KIRREL3: variants seen among roughly 807,000 people sequenced by gnomAD.
KIRREL3 encodes kirre like nephrin family adhesion molecule 3.
A neutral mutation model predicts 89.7 loss-of-function variants in KIRREL3; 36 were observed. The ratio of observed to expected loss-of-function variants is 0.40; its 90% confidence interval spans 0.31 to 0.53. The LOEUF (loss-of-function observed/expected upper bound fraction) is 0.53. Among genes scored for constraint, KIRREL3 ranks in the 20% least tolerant of loss-of-function variants. The pLI is 0.49. For synonymous variants in KIRREL3, 445 were observed against 441.4 expected (o/e 1.01, Z -0.10); for missense variants, 864 against 1,056.6 (o/e 0.82, Z 2.53).
intron 1 of KIRREL3, among the ~76,000 whole-genome samples, chr11:126,658,550 G>C (rs1945256987): frequency 6.6e-6 from 1 of 152,180 alleles, no homozygotes; most frequent in African/African-American, 2.4e-5. Context: ...CTAAGTATCT[G>C]ATTAAACAAC....
chr11:126,942,851 C>G (rs1341569513), intron 1 of KIRREL3, among the ~76,000 whole-genome samples: 4 of 152,200 alleles, frequency 2.6e-5, no homozygotes, highest in African/African-American at 9.7e-5. Context: ...TCTCCCTTTT[C>G]CTTCTCTCTC....
At chr11:126,916,940 C>T (rs1157925557) in intron 1 of KIRREL3, among the ~76,000 whole-genome samples, 5 of 152,188 alleles carry the variant, frequency 3.3e-5, no homozygotes, top group Non-Finnish European at 7.4e-5. Context: ...CTTGGTTCTC[C>T]TACGACTGTT....
chr11:126,934,162 G>A (rs1948077012), intron 1 of KIRREL3, among the ~76,000 whole-genome samples: 1 of 152,154 alleles, frequency 6.6e-6, no homozygotes, highest in African/African-American at 2.4e-5. Context: ...CCAGAATTAA[G>A]CTCTTATATT....
intron 6 of KIRREL3, among the ~76,000 whole-genome samples, chr11:126,461,222 G>A (rs1427923174): frequency 1.3e-5 from 2 of 152,244 alleles, no homozygotes; most frequent in African/African-American, 2.4e-5. Context: ...ATGGCTTTGC[G>A]GCATCTCACC....
intron 1 of KIRREL3, among the ~76,000 whole-genome samples, chr11:126,962,522 G>A (rs1949124277): frequency 6.6e-6 from 1 of 152,206 alleles, no homozygotes; most frequent in South Asian, 2.1e-4. Flanking sequence ...TCTCATGGAT[G>A]AGCGAAGAAA....
At chr11:126,630,042 A>G (rs1943952766) in intron 1 of KIRREL3, among the ~76,000 whole-genome samples, 1 of 152,176 alleles carries the variant, frequency 6.6e-6, no homozygotes, top group African/African-American at 2.4e-5. Flanking sequence ...CACCAGACAC[A>G]TGGTCAGAGG....
chr11:126,582,205 G>C (rs1486574564), intron 1 of KIRREL3, among the ~76,000 whole-genome samples: 5 of 152,188 alleles, frequency 3.3e-5, no homozygotes, highest in African/African-American at 9.7e-5. Flanking sequence ...CAAGCGAGGG[G>C]CATACTCTCA....
In KIRREL3 at chr11:126,752,066, A is replaced by G. The variant is rs753540886; in HGVS notation, c.56-189154T>C. ...AATTCCAGCTCTGCCTTGGTGTGTG[A>G]CTTCAACTGAGTTGCTTCATCTCCT... On this transcript the variant is annotated intron_variant, in intron 1 of 16. Transcript: ENST00000525144. The surrounding 1 kb of genome is among the most constrained non-coding windows in gnomAD (Gnocchi z 4.8). Among the ~76,000 whole-genome samples, 1 of 152,192 alleles carries G rather than the reference A, an allele frequency of 6.6e-6. No individual in the cohort carries two copies. Among genetic ancestry groups the G allele is most frequent in the Non-Finnish European group, 1.5e-5 (1 of 68,034 alleles).
Position 126,485,397 on chromosome 11 carries a change from G to A in KIRREL3, c.434-11931C>T, listed in dbSNP as rs1252011183. Among the ~76,000 whole-genome samples the A allele has an allele frequency of 6.6e-6, 1 of 152,192 alleles. No homozygotes were observed. The highest frequency in any genetic ancestry group is 2.4e-5 in the African/African-American group (1 of 41,450). On this transcript the variant is annotated intron_variant, in intron 4 of 16. Transcript: ENST00000525144. This position sits in a 1 kb window ranked among gnomAD's most constrained non-coding sequence, Gnocchi z 5.8. ...CCACTTCTCAGCTGGAGCTCATATT[G>A]TTTAGGGGATAAGAAGGGAGGCCCT... is the stretch of plus-strand genomic sequence containing the variant.
intron 10 of KIRREL3, among the ~76,000 whole-genome samples, chr11:126,444,389 T>C (rs1244646195): frequency 6.6e-6 from 1 of 152,036 alleles, no homozygotes. Flanking sequence ...TCCCAGCACT[T>C]TGGGAGGCCG....
Position 126,615,847 on chromosome 11 carries a change from C to T in KIRREL3, c.56-52935G>A, listed in dbSNP as rs1284451800. Among the ~76,000 whole-genome samples the T allele has an allele frequency of 2.6e-5, 4 of 152,142 alleles. No homozygotes were observed. The highest frequency in any genetic ancestry group is 2.0e-4 in the Admixed American group (3 of 15,276). ...GGTCTTTTCCAGGTAATAAGTATTGCGGCCTCCTCTGCCACTTGCCTGCAT... is the reference window on the plus strand; with the variant it reads ...GGTCTTTTCCAGGTAATAAGTATTGTGGCCTCCTCTGCCACTTGCCTGCAT... On this transcript the variant is annotated intron_variant, in intron 1 of 16. Transcript: ENST00000525144. This position sits in a 1 kb window ranked among gnomAD's most constrained non-coding sequence, Gnocchi z 5.4.
intron 1 of KIRREL3, among the ~76,000 whole-genome samples, chr11:126,838,225 T>A (rs1387333637): frequency 6.6e-6 from 1 of 152,256 alleles, no homozygotes; most frequent in African/African-American, 2.4e-5. Flanking sequence ...CCTGTCATCA[T>A]GTTTAAAATA....
chr11:126,622,548 G>A lies in KIRREL3; in HGVS notation c.56-59636C>T, dbSNP rs1943615049. Among the ~76,000 whole-genome samples, 1 of 152,176 alleles carries A rather than the reference G, an allele frequency of 6.6e-6. No individual in the cohort carries two copies. The highest frequency in any genetic ancestry group is 2.1e-4 in the South Asian group (1 of 4,832). On this transcript the variant is annotated intron_variant, in intron 1 of 16. Coordinates refer to ENST00000525144, the MANE Select transcript of KIRREL3 (RefSeq NM_032531.4). The surrounding 1 kb of genome is among the most constrained non-coding windows in gnomAD (Gnocchi z 5.2). Reference sequence around the variant, plus strand: ...CACCTTCATTACAAAAGTTAGCCAGGTATGGTGGCATGTGCCTGTAATCCC... The same window carrying A: ...CACCTTCATTACAAAAGTTAGCCAGATATGGTGGCATGTGCCTGTAATCCC...
intron 1 of KIRREL3, among the ~76,000 whole-genome samples, chr11:126,910,254 T>C (rs1180834181): frequency 1.3e-5 from 2 of 152,138 alleles, no homozygotes; most frequent in African/African-American, 4.8e-5. Context: ...AGGCAGCCTT[T>C]GATGGATACA....
At position 126,564,476 on chromosome 11, in the gene KIRREL3, T is replaced by C. The variant is rs189164916; in HGVS notation, c.56-1564A>G. Among the ~76,000 whole-genome samples, 12 of 152,294 alleles carry C rather than the reference T, an allele frequency of 7.9e-5. No individual in the cohort carries two copies. The East Asian group carries it at 2.3e-3, about 29-fold the overall frequency. ...TCTCCTGATTCTTTAAAGGGGTTTA[T>C]TGACTATCAGTAAAGAGCAGAGAAG... On this transcript the variant is annotated intron_variant, in intron 1 of 16. Transcript: ENST00000525144. This position sits in a 1 kb window ranked among gnomAD's most constrained non-coding sequence, Gnocchi z 7.4.
At position 126,520,632 on chromosome 11, in the gene KIRREL3, C is replaced by G. The variant is rs1232474339; in HGVS notation, c.433+683G>C. 6.6e-6 allele frequency among the ~76,000 whole-genome samples: 1 copy of G among 152,124 alleles called. No homozygotes were observed. The highest frequency in any genetic ancestry group is 1.5e-5 in the Non-Finnish European group (1 of 68,020). On this transcript the variant is annotated intron_variant, in intron 4 of 16. Coordinates refer to ENST00000525144, the MANE Select transcript of KIRREL3 (RefSeq NM_032531.4). The surrounding 1 kb of genome is among the most constrained non-coding windows in gnomAD (Gnocchi z 4.9). Reference sequence around the variant, plus strand: ...GACTGAACTCTAAATCAGAACTAGGCGGTTTAAGAGGTCACCGAGCCCATT... The same window carrying G: ...GACTGAACTCTAAATCAGAACTAGGGGGTTTAAGAGGTCACCGAGCCCATT...
Position 126,574,182 on chromosome 11 carries a change from T to C in KIRREL3, c.56-11270A>G, listed in dbSNP as rs1416113881. Among the ~76,000 whole-genome samples, 1 of 152,180 alleles carries C rather than the reference T, an allele frequency of 6.6e-6. No homozygotes were observed. Among genetic ancestry groups the C allele is most frequent in the Non-Finnish European group, 1.5e-5 (1 of 68,032 alleles). ...GTAAATACATGTTCTTCTTTAACCCTAAACATTTATGGAGGACACTGAGGA... is the reference window on the plus strand; with the variant it reads ...GTAAATACATGTTCTTCTTTAACCCCAAACATTTATGGAGGACACTGAGGA... On this transcript the variant is annotated intron_variant, in intron 1 of 16. Coordinates refer to ENST00000525144, the MANE Select transcript of KIRREL3 (RefSeq NM_032531.4). The surrounding 1 kb of genome is among the most constrained non-coding windows in gnomAD (Gnocchi z 5.3).
chr11:126,451,111 G>GTGCGTGTGTGCATATGTGTC (rs1956102827), intron 7 of KIRREL3, among the ~76,000 whole-genome samples: 1 of 97,838 alleles, frequency 1.0e-5, no homozygotes, highest in African/African-American at 4.3e-5. Context: ...GTGCATGTGT[G>GTGCGTGTGTGCATATGTGTC]CATGTGTGTG....
chr11:126,852,210 C>T (rs1397554454), intron 1 of KIRREL3, among the ~76,000 whole-genome samples: 3 of 152,004 alleles, frequency 2.0e-5, no homozygotes, highest in Non-Finnish European at 4.4e-5. Flanking sequence ...CGTGCCACCA[C>T]GCCCAGCTAA....
Sources: allele counts gnomAD v4.1 joint callset (sites outside exome capture counted in the v4.1 genomes callset), GRCh38; gene constraint gnomAD v4.1.1; non-coding constraint Gnocchi (gnomAD v3.1); transcripts MANE v1.5; gene names NCBI Gene and HGNC (gene_info 2026-07-23, HGNC 2026-07-21).